Variants in MPO observed in about 807,000 individuals in gnomAD.
MPO encodes myeloperoxidase.
MPO carries 57 observed loss-of-function variants against 69.4 expected under a neutral mutation model. The observed-to-expected ratio is 0.82, with a 90% CI of 0.66 to 1.02. The LOEUF is 1.02. MPO is among the 50% of genes least tolerant of loss of function. The probability of loss-of-function intolerance (pLI) is 0.00; values close to 1 mark genes in which losing one functional copy is unlikely to be tolerated. For synonymous variants in MPO, 426 were observed against 417.1 expected, an observed-to-expected ratio of 1.02 and a Z score of -0.26; for missense variants, 971 against 1,014.1, an observed-to-expected ratio of 0.96 and a Z score of 0.58.
At chr17:58,277,411 A>T (rs1970452371) in intron 7 of MPO, among the ~76,000 whole-genome samples, 1 of 152,230 alleles carries the variant, frequency 6.6e-6, no homozygotes, top group African/African-American at 2.4e-5. Context: ...AACTAAAATT[A>T]AAATAGCCAC....
chr17:58,272,926 C>T lies in MPO; in HGVS notation c.1622-8G>A, dbSNP rs779296131. ...GGATGGGGTCAATGCCACCTGGGGA[C>T]CAGAGGAGCCAGGTCAGGGGAAGTA... On this transcript the variant is annotated splice_region_variant and splice_polypyrimidine_tract_variant and intron_variant, in intron 9 of 11. Coordinates refer to ENST00000225275, the MANE Select transcript of MPO (RefSeq NM_000250.2). The T allele has an allele frequency of 2.5e-6, 4 of 1,613,858 alleles. No individual in the cohort carries two copies. The South Asian group carries it at 4.4e-5, about 18-fold the overall frequency.
In MPO at chr17:58,276,797, T is replaced by C. The variant is rs540168530; in HGVS notation, c.1204+1030A>G. On this transcript the variant is annotated intron_variant, in intron 7 of 11. Transcript: ENST00000225275. ...AGAGGAAAGGGCCTGAGGTCCACTA[T>C]TGGGTTTACATTTAAAAACACTGGA... Among the ~76,000 whole-genome samples the C allele has an allele frequency of 2.3e-4, 35 of 152,256 alleles. No individual in the cohort carries two copies. The East Asian group carries it at 6.2e-3, about 27-fold the overall frequency.
intron 8 of MPO, chr17:58,274,177 G>A: frequency 2.0e-6 from 1 of 500,964 alleles, no homozygotes; most frequent in Non-Finnish European, 4.0e-6. Context: ...AAGGAACGAA[G>A]GGCCATTCTG....
intron 6 of MPO, 154 bp downstream of exon 6, chr17:58,278,854 C>T (rs752007339): frequency 4.2e-5 from 40 of 943,868 alleles, no homozygotes; most frequent in Non-Finnish European, 6.5e-5. Context: ...GGAGACAGGT[C>T]ATAGCTGAGC....
Position 58,270,889 on chromosome 17 carries a change from T to C in MPO, c.2031-26A>G. ...CTGCATGGGGAACACCCATGGACAC[T>C]GTGCCCAAGGATATTCTGGGCTGGC... On this transcript the variant is annotated intron_variant, in intron 11 of 11. Transcript: ENST00000225275. This position sits in a 1 kb window ranked among gnomAD's most constrained non-coding sequence, Gnocchi z 4.1. 6.2e-7 allele frequency: 1 copy of C among 1,611,762 alleles called. No homozygotes were observed. The highest frequency in any genetic ancestry group is 8.5e-7 in the Non-Finnish European group (1 of 1,179,332).
chr17:58,277,552 A>C (rs151056269), intron 7 of MPO, among the ~76,000 whole-genome samples: 2 of 152,178 alleles, frequency 1.3e-5, no homozygotes, highest in African/African-American at 4.8e-5. Context: ...GAAGGGAAAA[A>C]AGGGACAGAG....
intron 2 of MPO, 158 bp from the exon 3 acceptor site, chr17:58,280,172 A>G (rs1427632361): frequency 1.4e-5 from 15 of 1,075,990 alleles, no homozygotes; most frequent in Admixed American, 2.0e-5. Context: ...GTGTCCAGAC[A>G]GAGGCAAGGC....
chr17:58,275,304 A>G lies in MPO; in HGVS notation c.1365+238T>C, dbSNP rs1201205622. On this transcript the variant is annotated intron_variant, in intron 8 of 11. Transcript: ENST00000225275. This position sits in a 1 kb window ranked among gnomAD's most constrained non-coding sequence, Gnocchi z 4.1. Reference sequence around the variant, plus strand: ...TCAACCCTCCCAACACCAATAACAGACCCACAGGAAAGAAGACTGCAGGGA... The same window carrying G: ...TCAACCCTCCCAACACCAATAACAGGCCCACAGGAAAGAAGACTGCAGGGA... 6.6e-6 allele frequency among the ~76,000 whole-genome samples: 1 copy of G among 152,170 alleles called. No individual in the cohort carries two copies. The highest frequency in any genetic ancestry group is 2.4e-5 in the African/African-American group (1 of 41,426).
Position 58,279,828 on chromosome 17 carries a change from G to C in MPO, c.424+11C>G. ...TGGAGCAGGGACCTGGGGTGTGATG[G>C]GCAACAGTACCAGTGACATTGAATG... On this transcript the variant is annotated intron_variant, in intron 3 of 11. Transcript: ENST00000225275. The C allele has an allele frequency of 6.2e-7, 1 of 1,614,050 alleles. No individual in the cohort carries two copies. The highest frequency in any genetic ancestry group is 8.5e-7 in the Non-Finnish European group (1 of 1,180,020).
chr17:58,271,003 G>A, intron 11 of MPO, 140 bp from the exon 12 acceptor site: 2 of 839,360 alleles, frequency 2.4e-6, no homozygotes, highest in Admixed American at 4.1e-5. Flanking sequence ...CAGGCCCTTG[G>A]GCAGCCCAGG....
chr17:58,280,300 G>A (rs1028983257), intron 2 of MPO, 66 bp downstream of exon 2: 2 of 1,527,922 alleles, frequency 1.3e-6, no homozygotes, highest in African/African-American at 1.4e-5. Flanking sequence ...GCTCCCTGCT[G>A]CCTGCTGCTT....
chr17:58,270,272 G>C lies in MPO; in HGVS notation c.*384C>G. On this transcript the variant is annotated 3_prime_UTR_variant, in exon 12 of 12. Transcript: ENST00000225275. The surrounding 1 kb of genome is among the most constrained non-coding windows in gnomAD (Gnocchi z 4.1). ...AAGGAAGAAAACTCTTGTTTAAGGA[G>C]GGTAATTTGCTCAAGGTCACATAGC... is the stretch of plus-strand genomic sequence containing the variant. The C allele has an allele frequency of 3.0e-6, 1 of 329,846 alleles. No homozygotes were observed. The highest frequency in any genetic ancestry group is 5.9e-6 in the Non-Finnish European group (1 of 169,134). The allele number at this position is 329,846 out of a possible 1,614,324, so 20.4% of individuals were successfully genotyped here. A position where few individuals can be genotyped will look rare whatever the true frequency, so the allele number is the denominator to read the frequency against.
At chr17:58,272,718 G>A in intron 10 of MPO, 30 bp downstream of exon 10, 2 of 1,608,064 alleles carry the variant, frequency 1.2e-6, no homozygotes, top group Non-Finnish European at 1.7e-6. Flanking sequence ...GGGGAGGTGA[G>A]CATCAGGGGA....
At chr17:58,280,093 T>G (rs977937814) in intron 2 of MPO, 79 bp from the exon 3 acceptor site, 6 of 1,564,954 alleles carry the variant, frequency 3.8e-6, no homozygotes, top group Non-Finnish European at 5.2e-6. Context: ...GGGGCAGACA[T>G]GCAGGACCAT....
rs754102223 is a variant in MPO at position 58,271,784 on chromosome 17, T to C, written c.1901A>G (p.Tyr634Cys). 1.2e-6 allele frequency: 2 copies of C among 1,614,180 alleles called. No individual in the cohort carries two copies. The highest frequency in any genetic ancestry group is 1.7e-6 in the Non-Finnish European group (2 of 1,180,042). The change falls in exon 11 of 12, where the codon TAT (tyrosine) becomes TGT (cysteine). Residue 634 changes from tyrosine (Y) to cysteine (C), a missense_variant. Tyr to Cys is a radical substitution (Grantham distance 194). Transcript: ENST00000225275. ...GATGTCGATGTTGTTGGGCGTGCCA[T>C]ACTGCTCCATCAGTTTCCTCGCCAA... ...LKLARKLMEQ[Y>C]GTPNNIDIWM...
chr17:58,280,650 G>A lies in MPO; in HGVS notation c.109C>T (p.Leu37=). 1.2e-6 allele frequency: 2 copies of A among 1,614,234 alleles called. No homozygotes were observed. Among genetic ancestry groups the A allele is most frequent in the South Asian group, 2.2e-5 (2 of 91,088 alleles). ...MKLLLALAGL[L]AILATPQPSE... ...GGCTGGGGCGTGGCCAGAATGGCCA[G>A]GAGCCCTGCTAGGGCCAGAAGCAGC... The change falls in exon 1 of 12, where the codon CTG becomes TTG. Residue 37 remains leucine, a synonymous_variant. Coordinates refer to ENST00000225275, the MANE Select transcript of MPO (RefSeq NM_000250.2).
rs200819121 is a variant in MPO at position 58,279,135 on chromosome 17, A to G, written c.758T>C (p.Met253Thr). 14 of 1,612,946 alleles carry G rather than the reference A, an allele frequency of 8.7e-6. No homozygotes were observed. The highest frequency in any genetic ancestry group is 1.1e-5 in the South Asian group (1 of 90,804). The change falls in exon 6 of 12, where the codon ATG (methionine) becomes ACG (threonine). Residue 253 changes from methionine (M) to threonine (T), a missense_variant. Met to Thr is a moderately conservative substitution (Grantham distance 81). Transcript: ENST00000225275. ...TPDQERSLMFMQWGQLLDHDL... is the reference protein window; with the variant it reads ...TPDQERSLMFTQWGQLLDHDL... ...GTGGTCCAACAGCTGGCCCCATTGC[A>G]TGAACATGAGTGAGCGCTCCTGGTC...
intron 10 of MPO, among the ~76,000 whole-genome samples, chr17:58,272,294 G>A (rs1970375804): frequency 6.6e-6 from 1 of 152,172 alleles, no homozygotes; most frequent in African/African-American, 2.4e-5. Flanking sequence ...CATAACATAG[G>A]CACAGGCTTT....
At chr17:58,274,291 A>T (rs1283400119) in intron 8 of MPO, 1 of 455,300 alleles carries the variant, frequency 2.2e-6, no homozygotes. Flanking sequence ...TTGAGTTCTT[A>T]GTGCAAATCA....
Sources: gnomAD v4.1 joint callset for allele counts (sites outside exome capture counted in the v4.1 genomes callset) on GRCh38, gnomAD v4.1.1 for gene constraint, Gnocchi (gnomAD v3.1) non-coding constraint, MANE v1.5 for transcripts, NCBI Gene and HGNC (gene_info 2026-07-23, HGNC 2026-07-21) for gene names.